Variants in URI1 observed in about 807,000 individuals in gnomAD.
URI1 encodes URI1 prefoldin like chaperone.
A neutral mutation model predicts 60.2 loss-of-function variants in URI1; 39 were observed. That is an observed-to-expected ratio of 0.65 (90% CI 0.50 to 0.85). The LOEUF (loss-of-function observed/expected upper bound fraction) is 0.85, where lower values mean the gene tolerates loss of function less well. URI1 is among the 40% of genes least tolerant of loss of function. The pLI is 0.00. For synonymous variants in URI1, 251 were observed against 236.8 expected (o/e 1.06, Z -0.55); for missense variants, 691 against 665.9 (o/e 1.04, Z -0.42).
chr19:29,979,318 A>G (rs1011174714), intron 2 of URI1, among the ~76,000 whole-genome samples: 3 of 152,192 alleles, frequency 2.0e-5, no homozygotes, highest in Non-Finnish European at 4.4e-5. Flanking sequence ...GTAAAAATTA[A>G]CTAGGCACTT....
intron 1 of URI1, among the ~76,000 whole-genome samples, chr19:29,931,203 G>C (rs566964538): frequency 2.0e-5 from 3 of 152,256 alleles, no homozygotes; most frequent in African/African-American, 7.2e-5. Context: ...CTGAATCTGT[G>C]GATGGCTTTG....
exon 1 of URI1, chr19:29,923,737 G>T: frequency 6.5e-7 from 1 of 1,536,768 alleles, no homozygotes; most frequent in Non-Finnish European, 8.7e-7. Flanking sequence ...TTCTAAGAGG[G>T]CTCTGGCATA....
rs563575574 is a variant in URI1 at position 29,949,315 on chromosome 19, C to A, written c.117+6651C>A. On this transcript the variant is annotated intron_variant, in intron 1 of 10. Transcript: ENST00000392271. ...GGCGCTCCCCACATCCCAGACGGGG[C>A]GGCGGGGCGGAGGTGCTCCCCACAT... Among the ~76,000 whole-genome samples the A allele has an allele frequency of 5.4e-5, 8 of 149,256 alleles. No homozygotes were observed. In the East Asian group the frequency reaches 1.6e-3, roughly 30 times the overall value.
intron 4 of URI1, among the ~76,000 whole-genome samples, chr19:30,002,382 G>A (rs1181890672): frequency 6.6e-6 from 1 of 151,892 alleles, no homozygotes; most frequent in Admixed American, 6.6e-5. Context: ...GTTTAAACAT[G>A]TCTTTGGAAT....
chr19:29,979,896 T>C (rs940705199), intron 2 of URI1, among the ~76,000 whole-genome samples: 3 of 152,192 alleles, frequency 2.0e-5, no homozygotes, highest in African/African-American at 4.8e-5. Context: ...AAAAAAAGTG[T>C]AATGCTATTG....
At position 29,985,296 on chromosome 19, in the gene URI1, A is replaced by G. The variant is rs2145371054; in HGVS notation, c.226A>G (p.Ile76Val). 1 of 1,609,456 alleles carries G rather than the reference A, an allele frequency of 6.2e-7. No homozygotes were observed. Among genetic ancestry groups the G allele is most frequent in the Non-Finnish European group, 8.5e-7 (1 of 1,176,608 alleles). Residue 76 changes from isoleucine to valine, a missense_variant, in exon 3 of 11, where the codon ATA becomes GTA. Transcript: ENST00000392271. ...STLPDKLSYNIMVPFGPFAFM... is the reference protein window; with the variant it reads ...STLPDKLSYNVMVPFGPFAFM... ...CTTGCCTGATAAATTGTCTTATAAT[A>G]TAATGGTATGTTTGGTGTGTTTCTT...
At chr19:29,976,167 A>G (rs1312186115) in intron 2 of URI1, among the ~76,000 whole-genome samples, 1 of 152,190 alleles carries the variant, frequency 6.6e-6, no homozygotes, top group Non-Finnish European at 1.5e-5. Context: ...CTCAAAATAT[A>G]TCCTTGCTAA....
chr19:29,943,854 G>A (rs1450033468), intron 1 of URI1, among the ~76,000 whole-genome samples: 2 of 151,920 alleles, frequency 1.3e-5, no homozygotes, highest in African/African-American at 2.4e-5. Context: ...AAATCCAGTG[G>A]CTAGGGTGGT....
chr19:29,988,510 A>C (rs1376268680), intron 4 of URI1, among the ~76,000 whole-genome samples: 1 of 152,184 alleles, frequency 6.6e-6, no homozygotes, highest in Non-Finnish European at 1.5e-5. Flanking sequence ...ACGGCTGCCT[A>C]CTGCTGAAGG....
chr19:29,996,286 T>C (rs2055811208), intron 4 of URI1, among the ~76,000 whole-genome samples: 2 of 152,176 alleles, frequency 1.3e-5, no homozygotes, highest in African/African-American at 4.8e-5. Flanking sequence ...AGCAACACTT[T>C]ATAGTTTTTA....
At chr19:29,926,349 A>G (rs533519464) in intron 1 of URI1, among the ~76,000 whole-genome samples, 57 of 151,202 alleles carry the variant, frequency 3.8e-4, no homozygotes, top group Non-Finnish European at 6.6e-4. Flanking sequence ...GTACAATTAT[A>G]GCTTTTTGCA....
intron 2 of URI1, among the ~76,000 whole-genome samples, chr19:29,982,374 T>C (rs1417748925): frequency 1.3e-5 from 2 of 151,768 alleles, no homozygotes; most frequent in East Asian, 3.9e-4. Context: ...TACTGTTCTT[T>C]TAATGTACAA....
At chr19:29,953,567 G>T (rs1436466512) in intron 1 of URI1, among the ~76,000 whole-genome samples, 4 of 152,136 alleles carry the variant, frequency 2.6e-5, no homozygotes, top group Non-Finnish European at 5.9e-5. Flanking sequence ...CATTTATACT[G>T]TCTTGAAAGA....
chr19:30,011,885 C>A lies in URI1; in HGVS notation c.1179-400C>A, dbSNP rs563564627. 3.8e-3 allele frequency among the ~76,000 whole-genome samples: 469 copies of A among 122,158 alleles called. 5 individuals carry two copies. Among genetic ancestry groups the A allele is most frequent in the African/African-American group, 0.015 (456 of 30,602 alleles). The allele number at this position is 122,158 out of a possible 152,430, so 80.1% of individuals were successfully genotyped here. On this transcript the variant is annotated intron_variant, in intron 9 of 10. Coordinates refer to ENST00000392271, the MANE Select transcript of URI1 (RefSeq NM_003796.3). ...GACACAGGGTGGGGAACACCACACA[C>A]CGGGGTCTGTCATGGGGTGGGGGGA... is the stretch of plus-strand genomic sequence containing the variant.
At chr19:29,969,273 A>T (rs953989185) in intron 1 of URI1, among the ~76,000 whole-genome samples, 3 of 152,198 alleles carry the variant, frequency 2.0e-5, no homozygotes, top group African/African-American at 7.2e-5. Flanking sequence ...AGACTGTTTA[A>T]GGGAAGTAAA....
chr19:30,000,037 G>A (rs903243866), intron 4 of URI1, among the ~76,000 whole-genome samples: 1 of 150,982 alleles, frequency 6.6e-6, no homozygotes, highest in African/African-American at 2.4e-5. Context: ...AGAGGACCAT[G>A]TAGCATTTTT....
At chr19:29,927,994 G>C (rs1344992643) in intron 1 of URI1, among the ~76,000 whole-genome samples, 1 of 152,092 alleles carries the variant, frequency 6.6e-6, no homozygotes, top group Non-Finnish European at 1.5e-5. Context: ...TGCCACTTCT[G>C]TCTGGCTCCC....
At chr19:29,959,177 G>C (rs2055289772) in intron 1 of URI1, among the ~76,000 whole-genome samples, 1 of 152,086 alleles carries the variant, frequency 6.6e-6, no homozygotes, top group Non-Finnish European at 1.5e-5. Context: ...CCAGGCTGGA[G>C]TGCAGTGGCC....
intron 7 of URI1, among the ~76,000 whole-genome samples, chr19:30,008,428 C>T (rs1246060891): frequency 2.6e-5 from 4 of 151,890 alleles, no homozygotes; most frequent in Non-Finnish European, 5.9e-5. Context: ...TCATGATTCT[C>T]TTTCTATTTT....
Sources: allele counts gnomAD v4.1 joint callset (sites outside exome capture counted in the v4.1 genomes callset), GRCh38; gene constraint gnomAD v4.1.1; transcripts MANE v1.5; gene names NCBI Gene and HGNC (gene_info 2026-07-23, HGNC 2026-07-21).